Variants in MARCHF4 observed in about 807,000 individuals in gnomAD.
MARCHF4 encodes E3 ubiquitin-protein ligase MARCHF4.
A neutral mutation model predicts 43.9 loss-of-function variants in MARCHF4; 14 were observed. The observed-to-expected ratio is 0.32, with a 90% CI of 0.21 to 0.50. The LOEUF is 0.50. Ranked by LOEUF, MARCHF4 falls within the 20% of genes least tolerant of loss-of-function variation. MARCHF4 has a pLI of 0.98. For synonymous variants in MARCHF4, 226 were observed against 213.3 expected, an observed-to-expected ratio of 1.06 and a Z score of -0.52; for missense variants, 468 against 536.7, an observed-to-expected ratio of 0.87 and a Z score of 1.27.
intron 1 of MARCHF4, among the ~76,000 whole-genome samples, chr2:216,290,972 T>C (rs1691297435): frequency 6.6e-6 from 1 of 152,156 alleles, no homozygotes; most frequent in African/African-American, 2.4e-5. Context: ...CTGAGATACA[T>C]GTTAATCTGG....
At chr2:216,357,951 C>A (rs1692524994) in intron 1 of MARCHF4, among the ~76,000 whole-genome samples, 1 of 152,148 alleles carries the variant, frequency 6.6e-6, no homozygotes. Context: ...AGGTCAGCAG[C>A]CCGCAATCAT....
At chr2:216,330,037 G>A (rs1692061518) in intron 1 of MARCHF4, among the ~76,000 whole-genome samples, 2 of 151,924 alleles carry the variant, frequency 1.3e-5, no homozygotes, top group South Asian at 4.1e-4. Context: ...TTTTGAGGCT[G>A]CAGTGAGCTC....
rs914282954 is a variant in MARCHF4 at position 216,298,268 on chromosome 2, T to G, written c.517-14539A>C. 2.6e-3 allele frequency among the ~76,000 whole-genome samples: 371 copies of G among 141,322 alleles called. 2 individuals are homozygous for G. The highest frequency in any genetic ancestry group is 9.1e-3 in the African/African-American group (348 of 38,040). The allele number at this position is 141,322 out of a possible 152,430, so 92.7% of individuals were successfully genotyped here. Reference sequence around the variant, plus strand: ...ACCAGTCTTTTAGGTTTTTTTTTTTTTTTTTTTTTTTTTTTTTACAGGGTC... The same window carrying G: ...ACCAGTCTTTTAGGTTTTTTTTTTTGTTTTTTTTTTTTTTTTTACAGGGTC... On this transcript the variant is annotated intron_variant, in intron 1 of 3. Coordinates refer to ENST00000273067, the MANE Select transcript of MARCHF4 (RefSeq NM_020814.3).
At chr2:216,331,631 T>C (rs991875688) in intron 1 of MARCHF4, among the ~76,000 whole-genome samples, 6 of 151,994 alleles carry the variant, frequency 3.9e-5, no homozygotes, top group African/African-American at 1.5e-4. Flanking sequence ...AGACAATAGA[T>C]CAGGACTAAG....
intron 3 of MARCHF4, among the ~76,000 whole-genome samples, chr2:216,271,852 A>G (rs1417800961): frequency 6.6e-6 from 1 of 151,546 alleles, no homozygotes; most frequent in South Asian, 2.1e-4. Context: ...GTACAGTGGC[A>G]CCATCATAAC....
At chr2:216,284,343 C>T (rs1408390661) in intron 1 of MARCHF4, among the ~76,000 whole-genome samples, 1 of 152,132 alleles carries the variant, frequency 6.6e-6, no homozygotes, top group African/African-American at 2.4e-5. Flanking sequence ...AGGCAGAGGA[C>T]TCAACTGAGC....
chr2:216,354,752 G>T (rs1212153327), intron 1 of MARCHF4, among the ~76,000 whole-genome samples: 1 of 152,156 alleles, frequency 6.6e-6, no homozygotes, highest in Admixed American at 6.5e-5. Context: ...CCCTCATTGA[G>T]CAAGACTGGT....
In MARCHF4 at chr2:216,313,459, T is replaced by G. The variant is rs1691722363; in HGVS notation, c.517-29730A>C. Among the ~76,000 whole-genome samples the G allele has an allele frequency of 2.0e-5, 3 of 152,202 alleles. No individual in the cohort carries two copies. The South Asian group carries it at 6.2e-4, about 32-fold the overall frequency. ...GCTACTTTCACAAATTAGAAAAAATTACTGATATTAAATTCTAAAGACTAA... is the reference window on the plus strand; with the variant it reads ...GCTACTTTCACAAATTAGAAAAAATGACTGATATTAAATTCTAAAGACTAA... On this transcript the variant is annotated intron_variant, in intron 1 of 3. Coordinates refer to ENST00000273067, the MANE Select transcript of MARCHF4 (RefSeq NM_020814.3).
chr2:216,279,736 G>A (rs1423765282), intron 2 of MARCHF4, among the ~76,000 whole-genome samples: 2 of 152,150 alleles, frequency 1.3e-5, no homozygotes, highest in Non-Finnish European at 1.5e-5. Context: ...TAAACAGATA[G>A]CCTCCATTAC....
chr2:216,262,247 T>C (rs111620745), intron 3 of MARCHF4, among the ~76,000 whole-genome samples: 2 of 152,312 alleles, frequency 1.3e-5, no homozygotes, highest in African/African-American at 4.8e-5. Flanking sequence ...TAAGTATCCA[T>C]TTGAGATTTG....
chr2:216,318,526 G>A (rs28564481), intron 1 of MARCHF4, among the ~76,000 whole-genome samples: 9,922 of 152,228 alleles, frequency 0.065, 1,094 homozygotes, highest in African/African-American at 0.23. Context: ...AGGGGTTCAG[G>A]GAAAGCCTTA....
At chr2:216,352,154 T>C (rs949910336) in intron 1 of MARCHF4, among the ~76,000 whole-genome samples, 2 of 152,098 alleles carry the variant, frequency 1.3e-5, no homozygotes, top group Non-Finnish European at 2.9e-5. Flanking sequence ...CGTCCAGGGG[T>C]TTGGGGCTTC....
At chr2:216,329,566 T>C (rs1326595577) in intron 1 of MARCHF4, among the ~76,000 whole-genome samples, 1 of 150,378 alleles carries the variant, frequency 6.6e-6, no homozygotes, top group African/African-American at 2.5e-5. Flanking sequence ...CAGGGAAAAA[T>C]ACTGGATTAA....
chr2:216,306,492 G>T (rs10498046), intron 1 of MARCHF4, among the ~76,000 whole-genome samples: 12,002 of 152,064 alleles, frequency 0.079, 626 homozygotes, highest in South Asian at 0.21. Context: ...TCTGAATTTT[G>T]TCAAGACATT....
At chr2:216,362,869 A>AG (rs1692607931) in intron 1 of MARCHF4, among the ~76,000 whole-genome samples, 1 of 152,160 alleles carries the variant, frequency 6.6e-6, no homozygotes, top group Admixed American at 6.5e-5. Context: ...GCATCTCAGG[A>AG]GGGGGATGGT....
chr2:216,344,296 C>T (rs1289497700), intron 1 of MARCHF4, among the ~76,000 whole-genome samples: 1 of 152,162 alleles, frequency 6.6e-6, no homozygotes, highest in Non-Finnish European at 1.5e-5. Flanking sequence ...TGCTCTTCCT[C>T]TACATAATGT....
intron 1 of MARCHF4, among the ~76,000 whole-genome samples, chr2:216,302,752 A>G (rs185058395): frequency 6.6e-6 from 1 of 151,420 alleles, no homozygotes; most frequent in Non-Finnish European, 1.5e-5. Flanking sequence ...ACAAAAATTA[A>G]CCAGGTGTGG....
chr2:216,322,022 G>A (rs1247802626), intron 1 of MARCHF4, among the ~76,000 whole-genome samples: 2 of 152,162 alleles, frequency 1.3e-5, no homozygotes, highest in African/African-American at 2.4e-5. Flanking sequence ...ACAAGTTGCT[G>A]TGACTGAAAT....
chr2:216,369,581 A>C (rs914020758), intron 1 of MARCHF4, among the ~76,000 whole-genome samples, 164 bp downstream of exon 1: 3 of 152,192 alleles, frequency 2.0e-5, no homozygotes, highest in Admixed American at 6.5e-5. Flanking sequence ...GGAACCAGAC[A>C]CTCATTGGGC....
Sources: gnomAD v4.1 joint callset for allele counts (sites outside exome capture counted in the v4.1 genomes callset) on GRCh38, gnomAD v4.1.1 for gene constraint, MANE v1.5 for transcripts, NCBI Gene and HGNC (gene_info 2026-07-23, HGNC 2026-07-21) for gene names.